The following AP2A2 variants were observed in gnomAD, a reference collection of about 807,000 sequenced individuals.
The protein encoded by AP2A2 is adaptor related protein complex 2 subunit alpha 2.
AP2A2 carries 32 observed loss-of-function variants against 104.2 expected under a neutral mutation model. The ratio of observed to expected loss-of-function variants is 0.31; its 90% CI spans 0.23 to 0.41. The LOEUF is 0.41. Ranked by LOEUF, AP2A2 falls within the 10% of genes least tolerant of loss-of-function variation. The probability of loss-of-function intolerance (pLI) is 1.00; values close to 1 mark genes in which losing one functional copy is unlikely to be tolerated. For synonymous variants in AP2A2, 539 were observed against 533.3 expected (o/e 1.01, Z -0.15); for missense variants, 912 against 1,261.0 (o/e 0.72, Z 4.19).
At chr11:936,437 A>G (rs1426034481) in intron 1 of AP2A2, among the ~76,000 whole-genome samples, 1 of 152,102 alleles carries the variant, frequency 6.6e-6, no homozygotes, top group Non-Finnish European at 1.5e-5. Flanking sequence ...CGCATTGCCC[A>G]GGCTGGAGTG....
intron 1 of AP2A2, among the ~76,000 whole-genome samples, chr11:954,457 T>C (rs969985364): frequency 2.6e-5 from 4 of 151,896 alleles, no homozygotes; most frequent in African/African-American, 9.7e-5. Context: ...TATATGTGTA[T>C]ATATGTTGTA....
Position 972,103 on chromosome 11 carries a change from G to T in AP2A2, c.321G>T (p.Glu107Asp). The T allele has an allele frequency of 6.2e-7, 1 of 1,613,828 alleles. No individual in the cohort carries two copies. The highest frequency in any genetic ancestry group is 1.3e-5 in the African/African-American group (1 of 75,056). ...FISVLVNSNS[E>D]LIRLINNAIK... is the part of the protein sequence containing the mutation. ...CTGTGTTGGTGAACTCAAACAGTGA[G>T]CTGATCCGCCTGATCAACAACGCCA... is the stretch of plus-strand genomic sequence containing the variant. Residue 107 changes from glutamate to aspartate, a missense_variant, in exon 4 of 22, where the codon GAG (glutamate) becomes GAT (aspartate). Physicochemically the swap from Glu to Asp is conservative, Grantham distance 45. Transcript: ENST00000448903.
rs772195420 is a variant in AP2A2 at position 1,011,488 on chromosome 11, G to A, written c.*863G>A. On this transcript the variant is annotated 3_prime_UTR_variant, in exon 22 of 22. Transcript: ENST00000448903. ...AGTCGTCCCTGGAGGGGCTGTGGAG[G>A]AGGGACGCCTCTGTGTGGTCAGGAA... is the stretch of plus-strand genomic sequence containing the variant. 2 of 498,644 alleles carry A rather than the reference G, an allele frequency of 4.0e-6. No individual in the cohort carries two copies. The highest frequency in any genetic ancestry group is 2.9e-5 in the South Asian group (2 of 68,858). 30.9% of individuals were successfully genotyped at this position (498,644 alleles called of 1,614,324 possible).
intron 8 of AP2A2, 134 bp from the exon 9 acceptor site, chr11:986,651 T>G: frequency 8.9e-7 from 1 of 1,118,532 alleles, no homozygotes; most frequent in South Asian, 1.5e-5. Flanking sequence ...AGTTCCCACT[T>G]GAGCAGTGTG....
intron 15 of AP2A2, among the ~76,000 whole-genome samples, chr11:1,002,323 C>T (rs1856055670): frequency 1.3e-5 from 2 of 152,266 alleles, no homozygotes; most frequent in Admixed American, 6.5e-5. Context: ...CCGGCTCCTC[C>T]TGTTAAGCGA....
At chr11:972,346 G>GT in intron 4 of AP2A2, 91 bp downstream of exon 4, 1 of 1,319,130 alleles carries the variant, frequency 7.6e-7, no homozygotes, top group Non-Finnish European at 1.0e-6. Context: ...CCTAGGAAAT[G>GT]TTTTACTCTC....
At chr11:997,058 G>C (rs1855880308) in intron 14 of AP2A2, among the ~76,000 whole-genome samples, 1 of 152,170 alleles carries the variant, frequency 6.6e-6, no homozygotes, top group Non-Finnish European at 1.5e-5. Context: ...TCCTGGCGAA[G>C]TTTTCTTGCT....
chr11:993,697 G>T lies in AP2A2; in HGVS notation c.1551-57G>T, dbSNP rs937142440. 1 of 1,383,676 alleles carries T rather than the reference G, an allele frequency of 7.2e-7. No homozygotes were observed. The highest frequency in any genetic ancestry group is 9.9e-7 in the Non-Finnish European group (1 of 1,012,802). 85.7% of individuals were successfully genotyped at this position (1,383,676 alleles called of 1,614,324 possible). ...GCCGCCGTCCCCCCCCCGCGGGGGC[G>T]TGCTGCAGCCTGCGAGGGGACGACG... On this transcript the variant is annotated intron_variant, in intron 12 of 21. Coordinates refer to ENST00000448903, the MANE Select transcript of AP2A2 (RefSeq NM_012305.4). The surrounding 1 kb of genome is among the most constrained non-coding windows in gnomAD (Gnocchi z 8.2).
rs2133745616 is a variant in AP2A2 at position 994,134 on chromosome 11, CAAG to C, written c.1855_1857del (p.Lys619del). ...GGGAGTCCTCCATCTTGGCAAAGCT[CAAG>C]AAGAAGAAGGGCCCCAGCACGGTGA... On this transcript the variant is annotated inframe_deletion, in exon 14 of 22. Coordinates refer to ENST00000448903, the MANE Select transcript of AP2A2 (RefSeq NM_012305.4). 1 of 1,613,072 alleles carries C rather than the reference CAAG, an allele frequency of 6.2e-7. No individual in the cohort carries two copies. The highest frequency in any genetic ancestry group is 8.5e-7 in the Non-Finnish European group (1 of 1,179,840).
chr11:986,758 C>A (rs1047767862), intron 8 of AP2A2, 27 bp from the exon 9 acceptor site: 1 of 1,607,524 alleles, frequency 6.2e-7, no homozygotes, highest in African/African-American at 1.3e-5. Context: ...TGAGGAAACC[C>A]CACCCACTTC....
intron 1 of AP2A2, among the ~76,000 whole-genome samples, chr11:949,780 A>G (rs201767163): frequency 2.0e-5 from 2 of 100,584 alleles, no homozygotes; most frequent in Non-Finnish European, 4.4e-5. Context: ...GTCTCAAAAA[A>G]GAAAAAAAAA....
At chr11:1,006,468 T>G in intron 16 of AP2A2, 60 bp from the exon 17 acceptor site, 5 of 1,203,638 alleles carry the variant, frequency 4.2e-6, no homozygotes, top group Non-Finnish European at 4.9e-6. Flanking sequence ...TTTTTCAGGG[T>G]AAATATTCAG....
chr11:978,232 C>T (rs1855118322), intron 5 of AP2A2, among the ~76,000 whole-genome samples: 1 of 152,154 alleles, frequency 6.6e-6, no homozygotes, highest in African/African-American at 2.4e-5. Flanking sequence ...CACTGGGCTG[C>T]TGAGGGACCG....
At chr11:961,753 C>G (rs377153499) in intron 2 of AP2A2, among the ~76,000 whole-genome samples, 9 of 133,546 alleles carry the variant, frequency 6.7e-5, no homozygotes, top group Non-Finnish European at 7.8e-5. Flanking sequence ...TCGCCGCCAC[C>G]AGTGAAAAGT....
chr11:983,636 G>A (rs1467392261), intron 6 of AP2A2, among the ~76,000 whole-genome samples: 1 of 152,072 alleles, frequency 6.6e-6, no homozygotes, highest in Non-Finnish European at 1.5e-5. Context: ...GCCCGCCTTG[G>A]CCTCTCAAAG....
At chr11:1,000,893 A>G (rs796720017) in intron 15 of AP2A2, among the ~76,000 whole-genome samples, 12 of 152,282 alleles carry the variant, frequency 7.9e-5, no homozygotes, top group African/African-American at 1.2e-4. Flanking sequence ...ATGTCCGATC[A>G]TGTTTCAGCT....
chr11:979,042 G>A lies in AP2A2; in HGVS notation c.603+1818G>A, dbSNP rs1855150722. 3.9e-5 allele frequency among the ~76,000 whole-genome samples: 6 copies of A among 152,056 alleles called. No individual in the cohort carries two copies. The South Asian group carries it at 1.2e-3, about 32-fold the overall frequency. ...CATGGGGAGAAGGGTTGGGGGGCTGGGCCAAGGGCTGGAGGCCACTGAGGA... is the reference window on the plus strand; with the variant it reads ...CATGGGGAGAAGGGTTGGGGGGCTGAGCCAAGGGCTGGAGGCCACTGAGGA... On this transcript the variant is annotated intron_variant, in intron 5 of 21. Transcript: ENST00000448903.
rs372357124 is a variant in AP2A2, at chr11:1,010,967, G to A, written c.*342G>A. The A allele has an allele frequency of 5.4e-4, 389 of 726,160 alleles. No individual in the cohort carries two copies. Among genetic ancestry groups the A allele is most frequent in the Non-Finnish European group, 8.9e-4 (349 of 394,098 alleles). 45.0% of individuals were successfully genotyped at this position (726,160 alleles called of 1,614,324 possible). A position where few individuals can be genotyped will look rare whatever the true frequency, so the allele number is the denominator to read the frequency against. The stretch of plus-strand genomic sequence containing the variant: ...TGTGGGAGTGTCACTGAGATGGCCC[G>A]TGCTGCCGCCCACCCCGCCTCGGAG... On this transcript the variant is annotated 3_prime_UTR_variant, in exon 22 of 22. Transcript: ENST00000448903.
intron 10 of AP2A2, among the ~76,000 whole-genome samples, chr11:990,426 C>T (rs796409736): frequency 2.5e-4 from 38 of 152,250 alleles, no homozygotes; most frequent in African/African-American, 6.3e-4. Flanking sequence ...ACGGCCGTCA[C>T]GGGAGCCTCG....
Sources: allele counts gnomAD v4.1 joint callset (sites outside exome capture counted in the v4.1 genomes callset), GRCh38; gene constraint gnomAD v4.1.1; non-coding constraint Gnocchi (gnomAD v3.1); transcripts MANE v1.5; gene names NCBI Gene and HGNC (gene_info 2026-07-23, HGNC 2026-07-21).